The following SYNE2 variants were observed in gnomAD, a reference collection of about 807,000 sequenced individuals.
SYNE2 encodes spectrin repeat containing nuclear envelope protein 2.
Under a neutral mutation model 856.3 loss-of-function variants are expected in SYNE2, and 431 were observed. The ratio of observed to expected loss-of-function variants is 0.50; its 90% confidence interval spans 0.47 to 0.55. The LOEUF (loss-of-function observed/expected upper bound fraction) is 0.55. SYNE2 is among the 20% of genes least tolerant of loss of function. SYNE2 has a pLI of 0.00. For synonymous variants in SYNE2, 2,923 were observed against 2,872.3 expected (o/e 1.02, Z -0.56); for missense variants, 8,129 against 8,023.2 (o/e 1.01, Z -0.50).
intron 1 of SYNE2, among the ~76,000 whole-genome samples, chr14:63,836,419 A>T (rs1028937744): frequency 6.6e-6 from 1 of 152,302 alleles, no homozygotes; most frequent in Admixed American, 6.5e-5. Flanking sequence ...CTGTTTCTTC[A>T]TTTGTTCAGA....
chr14:63,767,896 T>C (rs1177024392), intron 1 of SYNE2, among the ~76,000 whole-genome samples: 4 of 152,114 alleles, frequency 2.6e-5, no homozygotes, highest in Admixed American at 1.3e-4. Flanking sequence ...GAGGGATATA[T>C]GAAAGCCATT....
intron 42 of SYNE2, among the ~76,000 whole-genome samples, chr14:64,027,198 TTAG>T (rs1594956226): frequency 6.6e-6 from 1 of 152,196 alleles, no homozygotes; most frequent in Non-Finnish European, 1.5e-5. Context: ...GAAAATATAA[TTAG>T]TAGAAACTGT....
At chr14:64,134,227 A>G (rs1437497428) in intron 78 of SYNE2, 27 bp downstream of exon 78, 2 of 1,612,750 alleles carry the variant, frequency 1.2e-6, no homozygotes, top group East Asian at 4.5e-5. Context: ...TAAGTTATCA[A>G]AGGCGTGTCC....
intron 1 of SYNE2, among the ~76,000 whole-genome samples, chr14:63,802,847 G>T (rs566299488): frequency 6.6e-6 from 1 of 152,100 alleles, no homozygotes; most frequent in East Asian, 1.9e-4. Flanking sequence ...GGAGTTGTTC[G>T]TTCCTCCTGG....
At chr14:64,002,664 A>T in intron 29 of SYNE2, 56 bp from the exon 30 acceptor site, 4 of 1,590,978 alleles carry the variant, frequency 2.5e-6, no homozygotes, top group East Asian at 4.5e-5. Flanking sequence ...AGTTTCTCAC[A>T]TGTAGCCTTT....
intron 99 of SYNE2, among the ~76,000 whole-genome samples, chr14:64,200,136 T>G (rs1396749436): frequency 6.6e-6 from 1 of 152,176 alleles, no homozygotes; most frequent in African/African-American, 2.4e-5. Flanking sequence ...TTGCTTTAAG[T>G]TAGAAGAGAG....
chr14:63,959,887 G>T (rs894582840), intron 8 of SYNE2, among the ~76,000 whole-genome samples: 6 of 151,834 alleles, frequency 4.0e-5, no homozygotes, highest in Non-Finnish European at 8.8e-5. Flanking sequence ...AAATAACCAG[G>T]CAACTAATGA....
intron 1 of SYNE2, among the ~76,000 whole-genome samples, chr14:63,847,182 C>T (rs1051376126): frequency 2.0e-5 from 3 of 151,416 alleles, no homozygotes; most frequent in Non-Finnish European, 2.9e-5. Flanking sequence ...ATGTGGCTCA[C>T]GCCTATAGTA....
chr14:63,998,839 A>C, intron 26 of SYNE2, 75 bp from the exon 27 acceptor site: 5 of 1,551,050 alleles, frequency 3.2e-6, no homozygotes, highest in Non-Finnish European at 4.4e-6. Context: ...CTAGGATTAC[A>C]GGTGTGAGCC....
chr14:64,111,198 T>C (rs2097803355), intron 65 of SYNE2, among the ~76,000 whole-genome samples: 1 of 142,160 alleles, frequency 7.0e-6, no homozygotes, highest in Non-Finnish European at 1.5e-5. Flanking sequence ...AGACCCCATC[T>C]CAAAAAAAAA....
At chr14:63,992,123 A>G (rs2096671436) in intron 21 of SYNE2, among the ~76,000 whole-genome samples, 1 of 150,888 alleles carries the variant, frequency 6.6e-6, no homozygotes, top group Non-Finnish European at 1.5e-5. Context: ...TTTTATTTTC[A>G]CTTTTACTCC....
At chr14:63,769,094 G>A (rs547012110) in intron 1 of SYNE2, among the ~76,000 whole-genome samples, 3 of 152,116 alleles carry the variant, frequency 2.0e-5, no homozygotes, top group Admixed American at 1.3e-4. Flanking sequence ...GGGCAATACA[G>A]TGAGACCTCA....
Position 64,026,744 on chromosome 14 carries a change from C to T in SYNE2, c.6404+14C>T, listed in dbSNP as rs1189283160. ...CACCTACCTAAGGTAAAGGGCATGCCTGCACCACTTGCATCATATCCCATT... is the reference window on the plus strand; with the variant it reads ...CACCTACCTAAGGTAAAGGGCATGCTTGCACCACTTGCATCATATCCCATT... On this transcript the variant is annotated intron_variant, in intron 42 of 115. Coordinates refer to ENST00000555002, the MANE Select transcript of SYNE2 (RefSeq NM_182914.3). 6.3e-7 allele frequency: 1 copy of T among 1,598,744 alleles called. No homozygotes were observed. Among genetic ancestry groups the T allele is most frequent in the Admixed American group, 1.7e-5 (1 of 57,536 alleles).
intron 1 of SYNE2, among the ~76,000 whole-genome samples, chr14:63,835,163 A>C (rs979271251): frequency 6.6e-6 from 1 of 152,322 alleles, no homozygotes; most frequent in Middle Eastern, 3.4e-3. Flanking sequence ...ACCAGTTATC[A>C]TGGATATGTA....
intron 99 of SYNE2, among the ~76,000 whole-genome samples, chr14:64,200,715 T>C (rs535722042): frequency 8.5e-5 from 13 of 152,236 alleles, no homozygotes; most frequent in Non-Finnish European, 1.5e-4. Context: ...TTGAAACTTA[T>C]CACAACTGTA....
rs1024554978 is a variant in SYNE2, at chr14:63,977,880, T to C, written c.1294-25T>C. On this transcript the variant is annotated intron_variant, in intron 12 of 115. Transcript: ENST00000555002. ...ACAGTGTTTGGCAATAAGTATCGTT[T>C]ATGTCATGCTGAATTTCTTTTCAGA... 4.1e-6 allele frequency: 6 copies of C among 1,479,022 alleles called. No individual in the cohort carries two copies. In the African/African-American group the frequency reaches 6.9e-5, roughly 17 times the overall value. 91.6% of individuals were successfully genotyped at this position (1,479,022 alleles called of 1,614,324 possible). A position where few individuals can be genotyped will look rare whatever the true frequency, so the allele number is the denominator to read the frequency against.
chr14:64,043,629 C>T (rs746922762), intron 45 of SYNE2, among the ~76,000 whole-genome samples: 26 of 152,222 alleles, frequency 1.7e-4, no homozygotes, highest in Admixed American at 5.2e-4. Context: ...CGGGCTGTGG[C>T]TTCAGAGTGT....
At chr14:63,839,515 T>A (rs1396888320) in intron 1 of SYNE2, among the ~76,000 whole-genome samples, 2 of 152,154 alleles carry the variant, frequency 1.3e-5, no homozygotes, top group Non-Finnish European at 2.9e-5. Context: ...TATTTTTTTG[T>A]ACTGATTTAT....
chr14:64,072,309 G>A (rs979597981), intron 52 of SYNE2, among the ~76,000 whole-genome samples: 17 of 152,092 alleles, frequency 1.1e-4, no homozygotes, highest in Admixed American at 2.6e-4. Context: ...ATGCAACAAA[G>A]CACTTCTGAC....
Sources: gnomAD v4.1 joint callset for allele counts (sites outside exome capture counted in the v4.1 genomes callset) on GRCh38, gnomAD v4.1.1 for gene constraint, MANE v1.5 for transcripts, NCBI Gene and HGNC (gene_info 2026-07-23, HGNC 2026-07-21) for gene names.